Variants in CACNA1C observed in about 807,000 individuals in gnomAD.
CACNA1C encodes the protein voltage-dependent L-type calcium channel subunit alpha-1C.
A neutral mutation model predicts 229.0 loss-of-function variants in CACNA1C; 30 were observed. The ratio of observed to expected loss-of-function variants is 0.13; its 90% CI spans 0.10 to 0.18. CACNA1C has a LOEUF of 0.18. Ranked by LOEUF, CACNA1C falls within the 10% of genes least tolerant of loss-of-function variation. The probability of loss-of-function intolerance (pLI) is 1.00; values close to 1 mark genes in which losing one functional copy is unlikely to be tolerated. For synonymous variants in CACNA1C, 1,114 were observed against 1,132.5 expected, an observed-to-expected ratio of 0.98 and a Z score of 0.33; for missense variants, 1,658 against 2,845.0, an observed-to-expected ratio of 0.58 and a Z score of 9.49.
chr12:2,102,497 C>T (rs966717214), intron 1 of CACNA1C, among the ~76,000 whole-genome samples: 1 of 152,228 alleles, frequency 6.6e-6, no homozygotes, highest in African/African-American at 2.4e-5. Flanking sequence ...CCACTGTCTG[C>T]ACACCCTCCC....
At chr12:2,274,988 C>G (rs1271597380) in intron 3 of CACNA1C, among the ~76,000 whole-genome samples, 1 of 152,246 alleles carries the variant, frequency 6.6e-6, no homozygotes, top group African/African-American at 2.4e-5. Context: ...CACAAACCTT[C>G]AGGCACACAG....
chr12:2,516,039 C>T (rs2099796059), intron 9 of CACNA1C, among the ~76,000 whole-genome samples: 1 of 151,710 alleles, frequency 6.6e-6, no homozygotes, highest in Non-Finnish European at 1.5e-5. Context: ...AATTAAATAG[C>T]ATGCCAGAGA....
At chr12:2,173,415 C>A (rs922069344) in intron 3 of CACNA1C, among the ~76,000 whole-genome samples, 1 of 152,166 alleles carries the variant, frequency 6.6e-6, no homozygotes, top group African/African-American at 2.4e-5. Flanking sequence ...GGTGATCATA[C>A]AATTTATCAT....
chr12:2,584,427 C>T, intron 15 of CACNA1C, 76 bp from the exon 16 acceptor site: 1 of 1,001,128 alleles, frequency 1.0e-6, no homozygotes, highest in Non-Finnish European at 1.6e-6. Context: ...CCCTGCACGC[C>T]CCACATCCCC....
chr12:2,142,340 G>A (rs2159103), intron 3 of CACNA1C, among the ~76,000 whole-genome samples: 2 of 151,092 alleles, frequency 1.3e-5, no homozygotes, highest in South Asian at 2.1e-4. Flanking sequence ...CATTACTTAC[G>A]TGTGTGTGGT....
intron 3 of CACNA1C, among the ~76,000 whole-genome samples, chr12:2,387,839 G>T (rs1320138829): frequency 6.6e-6 from 1 of 152,216 alleles, no homozygotes; most frequent in Non-Finnish European, 1.5e-5. Flanking sequence ...GGCAGGAGGG[G>T]CTTTGGAAGC....
At chr12:2,384,369 T>C (rs11833482) in intron 3 of CACNA1C, among the ~76,000 whole-genome samples, 1,644 of 152,344 alleles carry the variant, frequency 0.011, 27 homozygotes, top group African/African-American at 0.037. Flanking sequence ...CCTTATGTTG[T>C]TGGATCTTAC....
rs1439716707 is a variant in CACNA1C at position 2,034,094 on chromosome 12, G to A, written c.139+62893G>A. On this transcript the variant is annotated intron_variant, in intron 1 of 46. Transcript: ENST00000682462. This position sits in a 1 kb window ranked among gnomAD's most constrained non-coding sequence, Gnocchi z 4.1. ...TTTAACATCTGCTACACCTTAGGCC[G>A]TTGGAACATACTAACTCATTTTAAT... Among the ~76,000 whole-genome samples the A allele has an allele frequency of 2.6e-5, 4 of 152,194 alleles. No homozygotes were observed. Among genetic ancestry groups the A allele is most frequent in the African/African-American group, 4.8e-5 (2 of 41,432 alleles).
At chr12:2,449,226 G>A (rs1396681060) in intron 4 of CACNA1C, 111 bp downstream of exon 4, 3 of 740,800 alleles carry the variant, frequency 4.0e-6, no homozygotes, top group Middle Eastern at 2.5e-4. Context: ...ATTTAGGCTC[G>A]CAGATGATCT....
At position 2,575,287 on chromosome 12, in the gene CACNA1C, T is replaced by C. The variant is rs1196226301; in HGVS notation, c.1896-6303T>C. Among the ~76,000 whole-genome samples, 1 of 152,220 alleles carries C rather than the reference T, an allele frequency of 6.6e-6. No homozygotes were observed. The highest frequency in any genetic ancestry group is 1.5e-5 in the Non-Finnish European group (1 of 68,040). ...GTACCAGTAGAAACTGAACCGGTAGTTGAGGCCTTGGGGCCCAGGTTGTCC... is the reference window on the plus strand; with the variant it reads ...GTACCAGTAGAAACTGAACCGGTAGCTGAGGCCTTGGGGCCCAGGTTGTCC... On this transcript the variant is annotated intron_variant, in intron 13 of 46. Coordinates refer to ENST00000399655, the MANE Select transcript of CACNA1C (RefSeq NM_000719.7). This position sits in a 1 kb window ranked among gnomAD's most constrained non-coding sequence, Gnocchi z 4.0.
chr12:2,017,434 C>A (rs184850178), intron 1 of CACNA1C, among the ~76,000 whole-genome samples: 1 of 152,136 alleles, frequency 6.6e-6, no homozygotes, highest in African/African-American at 2.4e-5. Context: ...CAGAATGATA[C>A]AAGATAACTG....
intron 1 of CACNA1C, among the ~76,000 whole-genome samples, chr12:2,016,276 TACTCAGTACAACA>T (rs1360891977): frequency 0.016 from 2,375 of 152,276 alleles, 65 homozygotes; most frequent in African/African-American, 0.054. Context: ...CAAACAACAG[TACTCAGTACAACA>T]AAATACATCA....
At chr12:2,178,035 A>G (rs2096721176) in intron 3 of CACNA1C, among the ~76,000 whole-genome samples, 1 of 152,230 alleles carries the variant, frequency 6.6e-6, no homozygotes, top group African/African-American at 2.4e-5. Flanking sequence ...AAGGGCAGGC[A>G]TCTCCAAATT....
chr12:2,470,525 A>C lies in CACNA1C; in HGVS notation c.757+12819A>C, dbSNP rs557193510. ...ATTATTGGTTGATTCTCTCGTGCTG[A>C]TTCATGACACTTAGTGGTTAAAGAC... On this transcript the variant is annotated intron_variant, in intron 5 of 46. Coordinates refer to ENST00000399655, the MANE Select transcript of CACNA1C (RefSeq NM_000719.7). Among the ~76,000 whole-genome samples, 3 of 152,268 alleles carry C rather than the reference A, an allele frequency of 2.0e-5. No homozygotes were observed. In the East Asian group the frequency reaches 5.8e-4, roughly 29 times the overall value.
intron 3 of CACNA1C, among the ~76,000 whole-genome samples, chr12:2,310,972 G>A (rs1226817164): frequency 5.3e-5 from 8 of 152,186 alleles, no homozygotes; most frequent in Admixed American, 4.6e-4. Flanking sequence ...GTGCCTTCTA[G>A]AGTCTAATCC....
rs879106021 is a variant in CACNA1C, at chr12:2,691,453, G to C, written c.*254G>C. 11 of 384,566 alleles carry C rather than the reference G, an allele frequency of 2.9e-5. No homozygotes were observed. In the South Asian group the frequency reaches 1.1e-3, roughly 38 times the overall value. 23.8% of individuals were successfully genotyped at this position (384,566 alleles called of 1,614,324 possible). ...CGAGGAAGGCGCCTGCCCTCTCCCA[G>C]CTCGCAGGCCCCGGGCCCGGCCGCG... On this transcript the variant is annotated 3_prime_UTR_variant, in exon 47 of 47. Coordinates refer to ENST00000399655, the MANE Select transcript of CACNA1C (RefSeq NM_000719.7).
chr12:2,340,829 C>T (rs1261419251), intron 3 of CACNA1C, among the ~76,000 whole-genome samples: 3 of 152,016 alleles, frequency 2.0e-5, no homozygotes, highest in African/African-American at 2.4e-5. Flanking sequence ...TGGTGGCGGG[C>T]GCCTGTAGTC....
intron 5 of CACNA1C, among the ~76,000 whole-genome samples, chr12:2,474,534 C>T (rs1312778891): frequency 2.0e-5 from 3 of 152,228 alleles, no homozygotes; most frequent in Non-Finnish European, 2.9e-5. Context: ...GCAGGCAGAT[C>T]ACTTGAGGCC....
At chr12:2,235,443 G>A (rs994178127) in intron 3 of CACNA1C, among the ~76,000 whole-genome samples, 4 of 152,126 alleles carry the variant, frequency 2.6e-5, no homozygotes, top group Non-Finnish European at 5.9e-5. Flanking sequence ...AGCAACCCAA[G>A]GCTAATTTTT....
Sources: gnomAD v4.1 joint callset for allele counts (sites outside exome capture counted in the v4.1 genomes callset) on GRCh38, gnomAD v4.1.1 for gene constraint, Gnocchi (gnomAD v3.1) non-coding constraint, MANE v1.5 for transcripts, NCBI Gene and HGNC (gene_info 2026-07-23, HGNC 2026-07-21) for gene names.